Variants in C1QTNF3 observed in about 807,000 individuals in gnomAD.
C1QTNF3 encodes the protein C1q and TNF related 3.
C1QTNF3 carries 26 observed loss-of-function variants against 32.6 expected under a neutral mutation model. The ratio of observed to expected loss-of-function variants is 0.80; its 90% CI spans 0.58 to 1.11. The LOEUF is 1.11. C1QTNF3 is among the 50% of genes least tolerant of loss of function. C1QTNF3 has a pLI of 0.00. For synonymous variants in C1QTNF3, 155 were observed against 146.0 expected (o/e 1.06, Z -0.44); for missense variants, 362 against 398.2 (o/e 0.91, Z 0.77).
chr5:34,101,404 G>A, the C1QTNF3 span, among the ~76,000 whole-genome samples: 2 of 152,118 alleles, frequency 1.3e-5, no homozygotes, highest in African/African-American at 4.8e-5. Context: ...TCATAAGGTT[G>A]ATGTGAGAAC....
At chr5:34,082,602 G>A in the C1QTNF3 span, among the ~76,000 whole-genome samples, 1 of 151,660 alleles carries the variant, frequency 6.6e-6, no homozygotes, top group Non-Finnish European at 1.5e-5. Context: ...AGGGTTTAAA[G>A]TTTGGAAACA....
chr5:34,142,595 C>A, the C1QTNF3 span, among the ~76,000 whole-genome samples: 4 of 152,326 alleles, frequency 2.6e-5, no homozygotes, highest in African/African-American at 9.6e-5. Context: ...AGCTGTGTGA[C>A]TGAGTAAAGA....
the C1QTNF3 span, among the ~76,000 whole-genome samples, chr5:34,080,991 T>A: frequency 6.6e-6 from 1 of 151,706 alleles, no homozygotes; most frequent in Admixed American, 6.6e-5. Flanking sequence ...TCTAGATCAG[T>A]CAGCTACAGT....
the C1QTNF3 span, among the ~76,000 whole-genome samples, chr5:34,210,476 A>T: frequency 6.6e-6 from 1 of 151,888 alleles, no homozygotes; most frequent in Non-Finnish European, 1.5e-5. Context: ...ATTGACTAAA[A>T]ATCGTAGTCT....
the C1QTNF3 span, among the ~76,000 whole-genome samples, chr5:34,088,073 A>G: frequency 2.6e-5 from 4 of 152,296 alleles, no homozygotes; most frequent in African/African-American, 9.6e-5. Flanking sequence ...CTGTTGCCTT[A>G]AAGCTAAATA....
At chr5:34,142,431 C>CAA in the C1QTNF3 span, among the ~76,000 whole-genome samples, 2,283 of 133,440 alleles carry the variant, frequency 0.017, 36 homozygotes, top group Non-Finnish European at 0.018. Context: ...GACTCCATCT[C>CAA]AAAAAAAAAA....
chr5:34,031,096 A>G (rs570656243), intron 3 of C1QTNF3, among the ~76,000 whole-genome samples: 19 of 152,334 alleles, frequency 1.2e-4, no homozygotes, highest in Admixed American at 6.5e-5. Flanking sequence ...AAAGTTAAAA[A>G]AAAAGAAAAG....
the C1QTNF3 span, among the ~76,000 whole-genome samples, chr5:34,055,401 A>G: frequency 1.3e-5 from 2 of 152,232 alleles, no homozygotes; most frequent in African/African-American, 4.8e-5. Flanking sequence ...CACCGTATGA[A>G]AAGTATATAG....
chr5:34,209,624 A>G, the C1QTNF3 span, among the ~76,000 whole-genome samples: 1 of 152,156 alleles, frequency 6.6e-6, no homozygotes, highest in Non-Finnish European at 1.5e-5. Context: ...AGCTAACAGA[A>G]TAAGATTTAC....
the C1QTNF3 span, among the ~76,000 whole-genome samples, chr5:34,139,858 T>A: frequency 9.2e-5 from 14 of 152,354 alleles, no homozygotes; most frequent in East Asian, 2.7e-3. Flanking sequence ...TTATCTGAAG[T>A]ACCGTCTTAT....
the C1QTNF3 span, among the ~76,000 whole-genome samples, chr5:34,159,845 C>CCGGAAGTAT: frequency 1.1e-4 from 16 of 147,404 alleles, no homozygotes; most frequent in Admixed American, 2.0e-4. Flanking sequence ...AAAAAAAAAA[C>CCGGAAGTAT]CGGAAGTATA....
At chr5:34,052,190 T>A in the C1QTNF3 span, among the ~76,000 whole-genome samples, 1 of 152,332 alleles carries the variant, frequency 6.6e-6, no homozygotes, top group South Asian at 2.1e-4. Flanking sequence ...TAAGCCACTG[T>A]GCTTTCAGAA....
At chr5:34,068,177 T>C in the C1QTNF3 span, among the ~76,000 whole-genome samples, 1 of 152,196 alleles carries the variant, frequency 6.6e-6, no homozygotes, top group African/African-American at 2.4e-5. Context: ...TTCTTAGATT[T>C]TATTTCTTCT....
At chr5:34,169,385 T>C in the C1QTNF3 span, among the ~76,000 whole-genome samples, 1 of 152,046 alleles carries the variant, frequency 6.6e-6, no homozygotes, top group Non-Finnish European at 1.5e-5. Context: ...TATTTTTTAA[T>C]GTATCTGTTG....
chr5:34,128,000 G>T, the C1QTNF3 span, among the ~76,000 whole-genome samples: 1 of 152,190 alleles, frequency 6.6e-6, no homozygotes, highest in Admixed American at 6.5e-5. Flanking sequence ...GCATTTCAGA[G>T]ATCTTCACGG....
At chr5:34,066,356 C>G in the C1QTNF3 span, among the ~76,000 whole-genome samples, 1 of 152,162 alleles carries the variant, frequency 6.6e-6, no homozygotes, top group African/African-American at 2.4e-5. Context: ...GACAAGCTAC[C>G]TACTGTATCA....
the C1QTNF3 span, among the ~76,000 whole-genome samples, chr5:34,223,122 A>ACT: frequency 6.8e-6 from 1 of 147,346 alleles, no homozygotes; most frequent in African/African-American, 2.5e-5. Flanking sequence ...GCACCCATTA[A>ACT]CTCGTCATTT....
the C1QTNF3 span, among the ~76,000 whole-genome samples, chr5:34,115,563 T>C: frequency 2.0e-5 from 3 of 152,018 alleles, no homozygotes; most frequent in Non-Finnish European, 4.4e-5. Context: ...ACCCCATCTC[T>C]ACTAAAAAAT....
chr5:34,237,019 A>C, the C1QTNF3 span, among the ~76,000 whole-genome samples: 2 of 152,176 alleles, frequency 1.3e-5, no homozygotes, highest in Admixed American at 1.3e-4. Context: ...TAGTATCACA[A>C]AGGCGGAAAG....
Sources: allele counts gnomAD v4.1 joint callset (sites outside exome capture counted in the v4.1 genomes callset), GRCh38; gene constraint gnomAD v4.1.1; transcripts MANE v1.5; gene names NCBI Gene and HGNC (gene_info 2026-07-23, HGNC 2026-07-21).